The following GPC3 variants were observed in gnomAD, a reference collection of about 807,000 sequenced individuals.
GPC3 encodes glypican-3.
GPC3 carries 3 observed loss-of-function variants against 34.4 expected under a neutral mutation model. The observed-to-expected ratio is 0.09, with a 90% CI of 0.04 to 0.23. GPC3 has a LOEUF of 0.23. GPC3 is among the 10% of genes least tolerant of loss of function. The probability of loss-of-function intolerance (pLI) is 1.00; values close to 1 mark genes in which losing one functional copy is unlikely to be tolerated. For synonymous variants in GPC3, 177 were observed against 174.0 expected, an observed-to-expected ratio of 1.02 and a Z score of -0.13; for missense variants, 351 against 445.6, an observed-to-expected ratio of 0.79 and a Z score of 1.91.
chrX:133,919,740 C>T (rs1367098106), intron 2 of GPC3, among the ~76,000 whole-genome samples: 3 of 110,182 alleles, frequency 2.7e-5, no homozygotes, highest in African/African-American at 9.9e-5. Context: ...TGCAGGAGGA[C>T]TGCTTGAGCT....
intron 6 of GPC3, among the ~76,000 whole-genome samples, chrX:133,604,184 A>G (rs116304753): frequency 0.049 from 5,432 of 111,432 alleles, 355 homozygotes; most frequent in African/African-American, 0.17. Flanking sequence ...AGTAAGTAAT[A>G]GAGATCTCAT....
At chrX:133,643,488 TA>T (rs1278288655) in intron 6 of GPC3, among the ~76,000 whole-genome samples, 2 of 111,996 alleles carry the variant, frequency 1.8e-5, no homozygotes, top group African/African-American at 6.5e-5. Context: ...TTTTCTGATT[TA>T]AAAAAATAAT....
intron 2 of GPC3, among the ~76,000 whole-genome samples, chrX:133,814,298 G>A (rs958198378): frequency 6.3e-5 from 7 of 111,184 alleles, no homozygotes; most frequent in Non-Finnish European, 1.1e-4. Context: ...TGTTTACTCA[G>A]TTTTCCCTTT....
chrX:133,955,000 C>T (rs746185215), intron 1 of GPC3, among the ~76,000 whole-genome samples: 2 of 110,719 alleles, frequency 1.8e-5, no homozygotes, highest in Non-Finnish European at 3.8e-5. Context: ...CCATCCACCT[C>T]GGCCTCCCAA....
At chrX:133,876,154 C>A (rs778314432) in intron 2 of GPC3, among the ~76,000 whole-genome samples, 1 of 112,193 alleles carries the variant, frequency 8.9e-6, no homozygotes, top group Non-Finnish European at 1.9e-5. Flanking sequence ...GTAACATGAT[C>A]ATAATTCTTA....
rs1022639939 is a variant in GPC3 at position 133,770,414 on chromosome X, C to T, written c.338-16238G>A. 8.0e-5 allele frequency among the ~76,000 whole-genome samples: 9 copies of T among 112,003 alleles called. No homozygotes were observed. The East Asian group carries it at 2.5e-3, about 31-fold the overall frequency. On this transcript the variant is annotated intron_variant, in intron 2 of 7. Coordinates refer to ENST00000370818, the MANE Select transcript of GPC3 (RefSeq NM_004484.4). ...AATAAGAAGTTATAAAAATGGAGAG[C>T]CAGCAATGAAAGTAATCCTAGAATT... is the stretch of plus-strand genomic sequence containing the variant.
intron 1 of GPC3, among the ~76,000 whole-genome samples, chrX:133,959,443 C>G (rs1438820603): frequency 1.8e-5 from 2 of 112,012 alleles, no homozygotes; most frequent in Non-Finnish European, 3.8e-5. Context: ...GATTTTTATT[C>G]CAAATCAGCA....
intron 3 of GPC3, among the ~76,000 whole-genome samples, chrX:133,726,342 C>T (rs1000462253): frequency 9.0e-6 from 1 of 111,492 alleles, no homozygotes; most frequent in African/African-American, 3.3e-5. Context: ...AACTGTAAGA[C>T]AGGGAATCCA....
chrX:133,975,297 A>G (rs867750145), intron 1 of GPC3, among the ~76,000 whole-genome samples: 5 of 111,797 alleles, frequency 4.5e-5, no homozygotes, highest in Middle Eastern at 4.6e-3. Flanking sequence ...AGCATTTCCT[A>G]TTTTTCTAAT....
intron 7 of GPC3, 68 bp from the exon 8 acceptor site, chrX:133,536,361 G>A: frequency 1.2e-6 from 1 of 818,769 alleles, no homozygotes; most frequent in Non-Finnish European, 1.9e-6. Context: ...ACTATGCACA[G>A]CTCGAGCATG....
intron 2 of GPC3, among the ~76,000 whole-genome samples, chrX:133,933,816 T>G (rs756366542): frequency 1.8e-5 from 2 of 109,884 alleles, no homozygotes; most frequent in Non-Finnish European, 3.8e-5. Flanking sequence ...CTATGCTTCC[T>G]GTACAGTCTG....
At chrX:133,895,765 A>T (rs888606618) in intron 2 of GPC3, among the ~76,000 whole-genome samples, 7 of 111,181 alleles carry the variant, frequency 6.3e-5, no homozygotes, top group Non-Finnish European at 1.9e-5. Flanking sequence ...ACAGGCACAC[A>T]CACATCTCAA....
intron 2 of GPC3, among the ~76,000 whole-genome samples, chrX:133,911,319 G>A (rs775776491): frequency 1.1e-4 from 12 of 112,063 alleles, no homozygotes; most frequent in South Asian, 3.7e-4. Flanking sequence ...AACAGATCAC[G>A]TCTATATGCA....
chrX:133,975,010 CTAT>C (rs747585929), intron 1 of GPC3, among the ~76,000 whole-genome samples: 11 of 111,483 alleles, frequency 9.9e-5, no homozygotes, highest in South Asian at 7.8e-4. Flanking sequence ...TACCAAGCAC[CTAT>C]TATGTGCCAC....
At chrX:133,858,877 C>T (rs980870059) in intron 2 of GPC3, among the ~76,000 whole-genome samples, 2 of 110,367 alleles carry the variant, frequency 1.8e-5, no homozygotes, top group African/African-American at 6.6e-5. Flanking sequence ...GTCAGGAGAT[C>T]GAGACCATCC....
At chrX:133,602,563 G>A (rs1231022046) in intron 6 of GPC3, among the ~76,000 whole-genome samples, 1 of 111,752 alleles carries the variant, frequency 8.9e-6, no homozygotes, top group African/African-American at 3.3e-5. Flanking sequence ...TGGCAAAATT[G>A]TCTTCTACAA....
At chrX:133,549,570 C>A (rs2069413354) in intron 7 of GPC3, among the ~76,000 whole-genome samples, 1 of 109,878 alleles carries the variant, frequency 9.1e-6, no homozygotes, top group Non-Finnish European at 1.9e-5. Flanking sequence ...CTCTGGAGTT[C>A]CCATGTCTTT....
At chrX:133,733,347 C>T (rs2071480264) in intron 3 of GPC3, among the ~76,000 whole-genome samples, 1 of 111,009 alleles carries the variant, frequency 9.0e-6, no homozygotes, top group African/African-American at 3.3e-5. Context: ...GTACAATATA[C>T]ACTACTCTGG....
intron 6 of GPC3, among the ~76,000 whole-genome samples, chrX:133,619,907 G>A (rs778601027): frequency 9.0e-6 from 1 of 110,754 alleles, no homozygotes; most frequent in South Asian, 3.9e-4. Flanking sequence ...CTATTGTCTG[G>A]TGTTAAGAAG....
Sources: gnomAD v4.1 joint callset for allele counts (sites outside exome capture counted in the v4.1 genomes callset) on GRCh38, gnomAD v4.1.1 for gene constraint, MANE v1.5 for transcripts, NCBI Gene and HGNC (gene_info 2026-07-23, HGNC 2026-07-21) for gene names.